The following MYO5B variants were observed in gnomAD, a reference collection of about 807,000 sequenced individuals.
MYO5B encodes unconventional myosin-Vb.
MYO5B carries 143 observed loss-of-function variants against 229.3 expected under a neutral mutation model. That is an observed-to-expected ratio of 0.62 (90% confidence interval 0.54 to 0.72). The LOEUF is 0.72. MYO5B is among the 30% of genes least tolerant of loss of function. The probability of loss-of-function intolerance (pLI) is 0.00; values close to 1 mark genes in which losing one functional copy is unlikely to be tolerated. For missense variants in MYO5B, 2,321 were observed against 2,331.0 expected (o/e 1.00, Z 0.09); for synonymous variants, 918 against 885.2 (o/e 1.04, Z -0.66).
intron 1 of MYO5B, among the ~76,000 whole-genome samples, chr18:50,187,372 T>C (rs543093027): frequency 6.6e-6 from 1 of 152,358 alleles, no homozygotes; most frequent in Non-Finnish European, 1.5e-5. Flanking sequence ...GACACATTGA[T>C]ATCACTGTCT....
At chr18:49,911,121 C>T (rs528217798) in intron 18 of MYO5B, among the ~76,000 whole-genome samples, 2 of 152,340 alleles carry the variant, frequency 1.3e-5, no homozygotes, top group Admixed American at 1.3e-4. Context: ...CTAGATGCAG[C>T]AGCTACCTTC....
intron 14 of MYO5B, among the ~76,000 whole-genome samples, chr18:49,945,149 A>C (rs2025357700): frequency 6.6e-6 from 1 of 151,686 alleles, no homozygotes; most frequent in Non-Finnish European, 1.5e-5. Flanking sequence ...TTGCATTGCC[A>C]TTTTCCAGAG....
At chr18:50,049,068 T>A (rs1283911762) in intron 2 of MYO5B, among the ~76,000 whole-genome samples, 2 of 149,656 alleles carry the variant, frequency 1.3e-5, no homozygotes, top group African/African-American at 4.9e-5. Flanking sequence ...ACTCAGAGAC[T>A]CAGATACAAG....
Position 50,090,974 on chromosome 18 carries a change from C to A in MYO5B, c.28-35596G>T, listed in dbSNP as rs182358946. Among the ~76,000 whole-genome samples, 5 of 152,350 alleles carry A rather than the reference C, an allele frequency of 3.3e-5. No homozygotes were observed. The East Asian group carries it at 9.6e-4, about 29-fold the overall frequency. On this transcript the variant is annotated intron_variant, in intron 1 of 39. Coordinates refer to ENST00000285039, the MANE Select transcript of MYO5B (RefSeq NM_001080467.3). ...CAGGACAGCCTGCACAGCCTGTATTCCTAAAATATAGTGACATGTTTCTAT... is the reference window on the plus strand; with the variant it reads ...CAGGACAGCCTGCACAGCCTGTATTACTAAAATATAGTGACATGTTTCTAT...
intron 1 of MYO5B, among the ~76,000 whole-genome samples, chr18:50,144,282 G>A (rs964257975): frequency 2.6e-5 from 4 of 152,310 alleles, no homozygotes; most frequent in African/African-American, 9.6e-5. Context: ...AGACAGGCGT[G>A]CTTTGGACGC....
intron 14 of MYO5B, among the ~76,000 whole-genome samples, chr18:49,949,218 T>C (rs1204436754): frequency 6.6e-6 from 1 of 152,146 alleles, no homozygotes; most frequent in Non-Finnish European, 1.5e-5. Flanking sequence ...CTACATGTAG[T>C]GGTGGCCAGG....
chr18:49,930,904 T>C (rs1366536445), intron 16 of MYO5B, among the ~76,000 whole-genome samples: 22 of 135,256 alleles, frequency 1.6e-4, no homozygotes, highest in African/African-American at 5.5e-5. Context: ...AAAAAAACAC[T>C]AGTAAGAAAA....
chr18:50,023,214 G>A (rs536207468), intron 4 of MYO5B, among the ~76,000 whole-genome samples: 38 of 151,620 alleles, frequency 2.5e-4, no homozygotes, highest in South Asian at 6.3e-4. Flanking sequence ...AGAACATTGC[G>A]TCATCAGCCC....
intron 33 of MYO5B, among the ~76,000 whole-genome samples, chr18:49,846,195 C>T (rs1246339634): frequency 6.6e-6 from 1 of 152,162 alleles, no homozygotes; most frequent in Non-Finnish European, 1.5e-5. Context: ...ACAGTGGGAC[C>T]AGGGTGATCC....
intron 10 of MYO5B, among the ~76,000 whole-genome samples, chr18:49,965,444 C>T (rs2025612343): frequency 8.0e-6 from 1 of 125,766 alleles, no homozygotes; most frequent in South Asian, 2.9e-4. Flanking sequence ...TTCATACAAA[C>T]ACACTTCTTT....
chr18:50,128,661 T>C (rs1026195193), intron 1 of MYO5B, among the ~76,000 whole-genome samples: 2 of 152,048 alleles, frequency 1.3e-5, no homozygotes, highest in African/African-American at 2.4e-5. Context: ...CCTGCCCAGG[T>C]ACAAAGGCCA....
At chr18:50,062,370 A>G (rs2030708614) in intron 1 of MYO5B, among the ~76,000 whole-genome samples, 1 of 152,176 alleles carries the variant, frequency 6.6e-6, no homozygotes, top group African/African-American at 2.4e-5. Flanking sequence ...CTCCCTGTCC[A>G]TTCCTGTGAT....
At chr18:49,861,398 G>A (rs1021169213) in intron 29 of MYO5B, among the ~76,000 whole-genome samples, 4 of 152,104 alleles carry the variant, frequency 2.6e-5, no homozygotes, top group African/African-American at 4.8e-5. Context: ...TACGCACACC[G>A]CTTGTCAGAC....
chr18:50,142,002 T>G (rs1267325701), intron 1 of MYO5B, among the ~76,000 whole-genome samples: 1 of 152,250 alleles, frequency 6.6e-6, no homozygotes, highest in Non-Finnish European at 1.5e-5. Flanking sequence ...CTGCTATTGC[T>G]TCTAGGACCA....
rs33917370 is a variant in MYO5B at position 49,865,612 on chromosome 18, CTG to C, written c.3604-1234_3604-1233del. On this transcript the variant is annotated intron_variant, in intron 27 of 39. Transcript: ENST00000285039. ...GTCCCCTCCTGGCTCAAGGTGCACACTGCACAGTCCTGGAACCTTAGCCTCCT... is the reference window on the plus strand; with the variant it reads ...GTCCCCTCCTGGCTCAAGGTGCACACCACAGTCCTGGAACCTTAGCCTCCT... Among the ~76,000 whole-genome samples the C allele has an allele frequency of 6.2e-3, 942 of 152,320 alleles. 15 individuals carry two copies. The highest frequency in any genetic ancestry group is 0.022 in the African/African-American group (906 of 41,570).
chr18:50,026,867 G>C (rs1409963045), intron 4 of MYO5B, among the ~76,000 whole-genome samples: 1 of 152,138 alleles, frequency 6.6e-6, no homozygotes, highest in African/African-American at 2.4e-5. Context: ...CACAAACCCT[G>C]GTGCAAATTG....
Position 50,124,097 on chromosome 18 carries a change from A to C in MYO5B, c.28-68719T>G, listed in dbSNP as rs566130538. Reference sequence around the variant, plus strand: ...AATCTGATTAAATTCTCATCTAAAAATTCAACAAAGTCACACTGCACCCTA... The same window carrying C: ...AATCTGATTAAATTCTCATCTAAAACTTCAACAAAGTCACACTGCACCCTA... On this transcript the variant is annotated intron_variant, in intron 1 of 39. Coordinates refer to ENST00000285039, the MANE Select transcript of MYO5B (RefSeq NM_001080467.3). Among the ~76,000 whole-genome samples the C allele has an allele frequency of 1.3e-4, 20 of 152,312 alleles. No homozygotes were observed. In the South Asian group the frequency reaches 3.9e-3, roughly 30 times the overall value.
chr18:50,024,721 C>T (rs969504629), intron 4 of MYO5B, among the ~76,000 whole-genome samples: 3 of 152,268 alleles, frequency 2.0e-5, no homozygotes, highest in Admixed American at 1.3e-4. Context: ...AGACATGGGG[C>T]TTTCTCCTGG....
At chr18:50,062,652 T>C (rs983362898) in intron 1 of MYO5B, among the ~76,000 whole-genome samples, 1 of 152,162 alleles carries the variant, frequency 6.6e-6, no homozygotes, top group Non-Finnish European at 1.5e-5. Context: ...GAACTCACAA[T>C]CATTTCTACA....
Sources: allele counts gnomAD v4.1 joint callset (sites outside exome capture counted in the v4.1 genomes callset), GRCh38; gene constraint gnomAD v4.1.1; transcripts MANE v1.5; gene names NCBI Gene and HGNC (gene_info 2026-07-23, HGNC 2026-07-21).